Variants in PUM1 observed in about 807,000 individuals in gnomAD.
The protein encoded by PUM1 is pumilio homolog 1.
Under a neutral mutation model 131.8 loss-of-function variants are expected in PUM1, and 13 were observed. The observed-to-expected ratio is 0.10, with a 90% CI of 0.06 to 0.16. PUM1 has a LOEUF of 0.16. Ranked by LOEUF, PUM1 falls within the 10% of genes least tolerant of loss-of-function variation. The pLI, the probability that PUM1 is intolerant of heterozygous loss-of-function variation, is 1.00. For missense variants in PUM1, 961 were observed against 1,512.4 expected, an observed-to-expected ratio of 0.64 and a Z score of 6.05; for synonymous variants, 509 against 556.5, an observed-to-expected ratio of 0.91 and a Z score of 1.20.
intron 7 of PUM1, among the ~76,000 whole-genome samples, chr1:30,991,012 C>A (rs1004363780): frequency 6.6e-6 from 1 of 150,520 alleles, no homozygotes; most frequent in African/African-American, 2.5e-5. Flanking sequence ...TATTTTGAAA[C>A]CAAAGATCAA....
intron 3 of PUM1, among the ~76,000 whole-genome samples, chr1:31,013,314 C>T (rs1368728754): frequency 1.3e-5 from 2 of 152,184 alleles, no homozygotes; most frequent in Admixed American, 6.5e-5. Flanking sequence ...ATGAGGTTTA[C>T]TGATGATCTC....
At chr1:30,951,887 T>G (rs1040297649) in intron 16 of PUM1, among the ~76,000 whole-genome samples, 6 of 152,360 alleles carry the variant, frequency 3.9e-5, no homozygotes, top group Non-Finnish European at 7.3e-5. Flanking sequence ...AATATTTTAT[T>G]GTGATCCTGC....
At chr1:31,032,978 T>C (rs923206529) in intron 2 of PUM1, among the ~76,000 whole-genome samples, 5 of 151,698 alleles carry the variant, frequency 3.3e-5, no homozygotes, top group African/African-American at 4.8e-5. Flanking sequence ...TGATGGCGCA[T>C]GCCTGTAGTC....
intron 2 of PUM1, among the ~76,000 whole-genome samples, chr1:31,051,357 G>A (rs1644105645): frequency 6.7e-6 from 1 of 149,970 alleles, no homozygotes; most frequent in East Asian, 2.0e-4. Context: ...AGAGTGGAGT[G>A]CAATGGCACA....
At chr1:30,985,644 C>G (rs1233284273) in intron 7 of PUM1, among the ~76,000 whole-genome samples, 5 of 127,082 alleles carry the variant, frequency 3.9e-5, no homozygotes, top group Non-Finnish European at 7.7e-5. Flanking sequence ...GAGTGAAACT[C>G]CATCTCAAAA....
At chr1:31,023,943 A>C (rs560992791) in intron 3 of PUM1, among the ~76,000 whole-genome samples, 21 of 150,288 alleles carry the variant, frequency 1.4e-4, no homozygotes, top group Admixed American at 3.3e-4. Flanking sequence ...AAAAAAAAAA[A>C]CCCCAATGAA....
chr1:30,988,332 C>T (rs1192546140), intron 7 of PUM1, among the ~76,000 whole-genome samples: 1 of 152,134 alleles, frequency 6.6e-6, no homozygotes, highest in South Asian at 2.1e-4. Flanking sequence ...GCAGGCTGCT[C>T]CATGTCATGT....
At chr1:31,025,022 G>A (rs998473604) in intron 3 of PUM1, among the ~76,000 whole-genome samples, 1 of 152,184 alleles carries the variant, frequency 6.6e-6, no homozygotes, top group Admixed American at 6.5e-5. Context: ...CCAAATGAAA[G>A]GGGCTAACAA....
At chr1:31,018,164 A>T (rs910412441) in intron 3 of PUM1, among the ~76,000 whole-genome samples, 1 of 151,932 alleles carries the variant, frequency 6.6e-6, no homozygotes, top group Non-Finnish European at 1.5e-5. Flanking sequence ...AGCCTGGCCA[A>T]CATGGTAAAC....
chr1:31,050,933 G>C (rs1026316548), intron 2 of PUM1: 15 of 241,282 alleles, frequency 6.2e-5, no homozygotes, highest in African/African-American at 3.4e-4. Context: ...TCTCTCTCTT[G>C]TTGCGTATGC....
At chr1:31,055,900 T>C (rs902108769) in intron 2 of PUM1, among the ~76,000 whole-genome samples, 1 of 152,186 alleles carries the variant, frequency 6.6e-6, no homozygotes, top group Non-Finnish European at 1.5e-5. Flanking sequence ...CCCATCAGTC[T>C]ATCATTAGGA....
At chr1:30,996,865 T>G (rs887576787) in intron 5 of PUM1, among the ~76,000 whole-genome samples, 1 of 152,252 alleles carries the variant, frequency 6.6e-6, no homozygotes, top group Non-Finnish European at 1.5e-5. Context: ...AGCTGTGTAC[T>G]CATTTTTATA....
At chr1:30,963,449 T>C (rs547752704) in intron 14 of PUM1, among the ~76,000 whole-genome samples, 3 of 152,352 alleles carry the variant, frequency 2.0e-5, no homozygotes, top group South Asian at 2.1e-4. Context: ...AAGTTCTTAC[T>C]GTATAAAACT....
intron 2 of PUM1, among the ~76,000 whole-genome samples, chr1:31,052,777 C>T (rs1312275742): frequency 1.3e-5 from 2 of 151,586 alleles, no homozygotes; most frequent in Middle Eastern, 3.4e-3. Context: ...CAGCTCACTG[C>T]AACCTCTGCC....
chr1:30,996,602 C>G (rs933960307), intron 5 of PUM1, among the ~76,000 whole-genome samples: 1 of 152,188 alleles, frequency 6.6e-6, no homozygotes, highest in Non-Finnish European at 1.5e-5. Flanking sequence ...AAAGGATATA[C>G]AACTTAGCTT....
intron 17 of PUM1, among the ~76,000 whole-genome samples, chr1:30,949,789 T>G (rs771449577): frequency 5.3e-5 from 8 of 152,108 alleles, no homozygotes; most frequent in Non-Finnish European, 1.2e-4. Flanking sequence ...GAAGGTGGGT[T>G]GGATGAAAGT....
At position 31,003,155 on chromosome 1, in the gene PUM1, C is replaced by T. The variant is rs182170479; in HGVS notation, c.720+2698G>A. Among the ~76,000 whole-genome samples, 314 of 152,240 alleles carry T rather than the reference C, an allele frequency of 2.1e-3. 1 individual carries two copies. The highest frequency in any genetic ancestry group is 0.01 in the Middle Eastern group (3 of 294). On this transcript the variant is annotated intron_variant, in intron 5 of 21. Coordinates refer to ENST00000426105, the MANE Select transcript of PUM1 (RefSeq NM_001020658.2). ...ACTGGAATTAATGTTGATACAGCTA[C>T]CCCAAAAGTAAAAATACGTGGATGC...
At chr1:31,015,315 A>G (rs1642771584) in intron 3 of PUM1, among the ~76,000 whole-genome samples, 1 of 151,922 alleles carries the variant, frequency 6.6e-6, no homozygotes, top group Non-Finnish European at 1.5e-5. Context: ...AAGCAGATAC[A>G]TTTCACTTCA....
At position 30,980,044 on chromosome 1, in the gene PUM1, T is replaced by C. The variant is rs754085903; in HGVS notation, c.1354+18A>G. ...TTTCAGCAGGTGAGAAAATCCCTCATGCAGCAGAATGTCTCACCTAGTGTC... is the reference window on the plus strand; with the variant it reads ...TTTCAGCAGGTGAGAAAATCCCTCACGCAGCAGAATGTCTCACCTAGTGTC... On this transcript the variant is annotated intron_variant, in intron 9 of 21. Transcript: ENST00000426105. 9 of 1,539,768 alleles carry C rather than the reference T, an allele frequency of 5.8e-6. No homozygotes were observed. The highest frequency in any genetic ancestry group is 2.3e-5 in the East Asian group (1 of 43,952).
Sources: allele counts gnomAD v4.1 joint callset (sites outside exome capture counted in the v4.1 genomes callset), GRCh38; gene constraint gnomAD v4.1.1; transcripts MANE v1.5; gene names NCBI Gene and HGNC (gene_info 2026-07-23, HGNC 2026-07-21).